CASP5: variants seen among roughly 807,000 people sequenced by gnomAD.
CASP5 encodes the protein caspase-5.
Under a neutral mutation model 45.2 loss-of-function variants are expected in CASP5, and 42 were observed. The observed-to-expected ratio is 0.93, with a 90% confidence interval of 0.73 to 1.20. The LOEUF (loss-of-function observed/expected upper bound fraction) is 1.20. Ranked by LOEUF, CASP5 falls within the 50% of genes most tolerant of loss-of-function variation. CASP5 has a pLI of 0.00. For synonymous variants in CASP5, 209 were observed against 186.2 expected (o/e 1.12, Z -1.00); for missense variants, 512 against 532.2 (o/e 0.96, Z 0.37).
chr11:105,013,849 A>G (rs534654363), intron 1 of CASP5, among the ~76,000 whole-genome samples: 1 of 152,318 alleles, frequency 6.6e-6, no homozygotes, highest in African/African-American at 2.4e-5. Flanking sequence ...AAGTGCGGGA[A>G]GGCAGCAAAA....
chr11:105,005,474 C>T (rs1298670426), intron 3 of CASP5, among the ~76,000 whole-genome samples: 1 of 151,920 alleles, frequency 6.6e-6, no homozygotes, highest in Non-Finnish European at 1.5e-5. Flanking sequence ...GTTGGAAACC[C>T]TCATAATTAT....
chr11:105,013,185 C>G (rs999553458), intron 1 of CASP5, among the ~76,000 whole-genome samples: 1 of 151,964 alleles, frequency 6.6e-6, no homozygotes, highest in Non-Finnish European at 1.5e-5. Context: ...AAAACAAATA[C>G]TATATGATCT....
At chr11:105,004,697 CT>C (rs1397698261) in intron 3 of CASP5, among the ~76,000 whole-genome samples, 1 of 151,968 alleles carries the variant, frequency 6.6e-6, no homozygotes, top group Non-Finnish European at 1.5e-5. Context: ...AAGTAAATGT[CT>C]TGCTAAAGAG....
rs778430065 is a variant in CASP5, at chr11:104,999,017, C to G, written c.964G>C (p.Glu322Gln). 16 of 1,595,816 alleles carry G rather than the reference C, an allele frequency of 1.0e-5. No individual in the cohort carries two copies. The South Asian group carries it at 1.8e-4, about 18-fold the overall frequency. The change falls in exon 7 of 10, where the codon GAA (glutamate) becomes CAA (glutamine). Residue 322 changes from glutamate (E) to glutamine (Q), a missense_variant. Coordinates refer to ENST00000260315, the MANE Select transcript of CASP5 (RefSeq NM_004347.5). ...VQACRGEKHG[E>Q]LWVRDSPASL... ...GCTGGAGAGTCTCTGACCCAGAGTT[C>G]CCCATGTTTTTCTGTAGAGACATCA...
rs894001761 is a variant in CASP5 at position 105,003,341 on chromosome 11, G to T, written c.476C>A (p.Ser159Tyr). Residue 159 changes from serine (S) to tyrosine (Y), a missense_variant, in exon 4 of 10, where the codon TCT (serine) becomes TAT (tyrosine). By Grantham distance (144) the Ser-to-Tyr change is moderately radical (BLOSUM62 -2). Transcript: ENST00000260315. The stretch of plus-strand genomic sequence containing the variant: ...AGGACAAAGTTTGAGTATATTTGTA[G>T]ATTCTGCTGACTCAGGTGGTCCAGC... ...IEAGPPESAE[S>Y]TNILKLCPRE... is the part of the protein sequence containing the mutation. 1 of 1,604,430 alleles carries T rather than the reference G, an allele frequency of 6.2e-7. No individual in the cohort carries two copies. Among genetic ancestry groups the T allele is most frequent in the Non-Finnish European group, 8.5e-7 (1 of 1,176,372 alleles).
At chr11:105,003,657 G>C (rs897194879) in intron 3 of CASP5, among the ~76,000 whole-genome samples, 1 of 151,452 alleles carries the variant, frequency 6.6e-6, no homozygotes, top group African/African-American at 2.4e-5. Context: ...GTTAAATTTG[G>C]CTTTTCTATA....
intron 3 of CASP5, among the ~76,000 whole-genome samples, chr11:105,004,008 C>G (rs1263004128): frequency 1.3e-5 from 2 of 152,104 alleles, no homozygotes; most frequent in African/African-American, 4.8e-5. Context: ...ACACCACATA[C>G]AGATACATGT....
chr11:104,995,523 T>C (rs2134684696), intron 9 of CASP5, among the ~76,000 whole-genome samples: 1 of 152,312 alleles, frequency 6.6e-6, no homozygotes, highest in South Asian at 2.1e-4. Flanking sequence ...GTATTACATT[T>C]TGCTGCAATT....
At chr11:105,005,122 A>G (rs780205198) in intron 3 of CASP5, among the ~76,000 whole-genome samples, 1 of 152,256 alleles carries the variant, frequency 6.6e-6, no homozygotes, top group African/African-American at 2.4e-5. Flanking sequence ...GTGCAACAGG[A>G]AGTAATGTGG....
chr11:105,023,057 C>A, intron 1 of CASP5, 73 bp downstream of exon 1: 1 of 1,384,392 alleles, frequency 7.2e-7, no homozygotes, highest in South Asian at 1.2e-5. Flanking sequence ...TTCTGCCTGT[C>A]ACATAGCAAT....
chr11:105,010,372 T>C (rs962816407), intron 1 of CASP5, among the ~76,000 whole-genome samples: 2 of 147,652 alleles, frequency 1.4e-5, no homozygotes, highest in Non-Finnish European at 3.0e-5. Flanking sequence ...ACAATATCAG[T>C]AATTATCATT....
intron 1 of CASP5, among the ~76,000 whole-genome samples, chr11:105,009,842 CAT>C (rs1381944892): frequency 1.5e-4 from 19 of 130,664 alleles, no homozygotes; most frequent in East Asian, 2.2e-4. Context: ...TATATATACA[CAT>C]ATATATACAC....
At chr11:105,015,240 A>G (rs978541382) in intron 1 of CASP5, among the ~76,000 whole-genome samples, 8 of 152,232 alleles carry the variant, frequency 5.3e-5, no homozygotes, top group Non-Finnish European at 1.0e-4. Flanking sequence ...GTCCTTTTCT[A>G]GACACCTTCC....
At position 105,000,999 on chromosome 11, in the gene CASP5, G is replaced by A. The variant is rs192077402; in HGVS notation, c.718-504C>T. ...CATTTTCAGCTCAGCTCTTTCACAG[G>A]TAGCGCCCCCTACTGGGAAGGCGCT... On this transcript the variant is annotated intron_variant, in intron 5 of 9. Coordinates refer to ENST00000260315, the MANE Select transcript of CASP5 (RefSeq NM_004347.5). Among the ~76,000 whole-genome samples, 24 of 152,250 alleles carry A rather than the reference G, an allele frequency of 1.6e-4. No homozygotes were observed. The East Asian group carries it at 4.1e-3, about 26-fold the overall frequency.
chr11:105,005,990 T>C (rs1861982859), intron 3 of CASP5, among the ~76,000 whole-genome samples: 1 of 152,196 alleles, frequency 6.6e-6, no homozygotes, highest in Admixed American at 6.5e-5. Context: ...GAGTTTATTT[T>C]GTATAGTGAG....
chr11:105,000,225 C>T (rs1258645730), intron 6 of CASP5, 36 bp downstream of exon 6: 1 of 1,607,322 alleles, frequency 6.2e-7, no homozygotes, highest in Non-Finnish European at 8.5e-7. Context: ...CTGCATACAC[C>T]TTCAAAACTG....
chr11:105,008,410 A>G (rs113849375), intron 2 of CASP5, among the ~76,000 whole-genome samples: 34 of 152,154 alleles, frequency 2.2e-4, no homozygotes, highest in African/African-American at 8.2e-4. Flanking sequence ...CTAACCTTCC[A>G]CAGTCTTGTG....
intron 3 of CASP5, among the ~76,000 whole-genome samples, chr11:105,005,352 ATATATGTGTGTGTG>A (rs149812631): frequency 0.017 from 2,218 of 132,010 alleles, 40 homozygotes; most frequent in African/African-American, 0.058. Context: ...GTGTGTATAT[ATATATGTGTGTGTG>A]TGTGTGTGTG....
chr11:105,020,921 A>G (rs541361702), intron 1 of CASP5, among the ~76,000 whole-genome samples: 2 of 152,260 alleles, frequency 1.3e-5, no homozygotes, highest in South Asian at 4.1e-4. Flanking sequence ...CTACAAAGCT[A>G]CAGTAACCAA....
Sources: allele counts gnomAD v4.1 joint callset (sites outside exome capture counted in the v4.1 genomes callset), GRCh38; gene constraint gnomAD v4.1.1; transcripts MANE v1.5; gene names NCBI Gene and HGNC (gene_info 2026-07-23, HGNC 2026-07-21).